XIRP2: variants seen among roughly 807,000 people sequenced by gnomAD.
XIRP2 encodes xin actin binding repeat containing 2.
In XIRP2, 236 loss-of-function variants were observed where a neutral mutation model predicts 277.0. That is an observed-to-expected ratio of 0.85 (90% CI 0.77 to 0.95). XIRP2 has a LOEUF of 0.95. Ranked by LOEUF, XIRP2 falls within the 40% of genes least tolerant of loss-of-function variation. XIRP2 has a pLI of 0.00. For missense variants in XIRP2, 4,640 were observed against 4,157.5 expected (o/e 1.12, Z -3.19); for synonymous variants, 1,490 against 1,416.5 (o/e 1.05, Z -1.17).
chr2:167,237,147 GT>G (rs1694923623), intron 5 of XIRP2, among the ~76,000 whole-genome samples: 1 of 152,076 alleles, frequency 6.6e-6, no homozygotes, highest in Non-Finnish European at 1.5e-5. Flanking sequence ...CAAAATTTAT[GT>G]ACATTTGTAC....
intron 2 of XIRP2, among the ~76,000 whole-genome samples, chr2:167,090,083 C>A (rs1310572403): frequency 6.6e-6 from 1 of 152,006 alleles, no homozygotes; most frequent in African/African-American, 2.4e-5. Context: ...AAAATTATTT[C>A]TTATTGCTGT....
intron 2 of XIRP2, among the ~76,000 whole-genome samples, chr2:167,027,822 C>T (rs1688216342): frequency 6.6e-6 from 1 of 152,020 alleles, no homozygotes; most frequent in African/African-American, 2.4e-5. Context: ...ATAATTACTA[C>T]TAAATAGGGA....
At chr2:167,090,649 C>G (rs998189063) in intron 2 of XIRP2, among the ~76,000 whole-genome samples, 3 of 152,060 alleles carry the variant, frequency 2.0e-5, no homozygotes, top group African/African-American at 7.3e-5. Context: ...GAGCATGGCT[C>G]TGGGCTTTGG....
chr2:166,948,910 AAACTAGTTATTT>A (rs1425643255), intron 2 of XIRP2, among the ~76,000 whole-genome samples: 1 of 152,052 alleles, frequency 6.6e-6, no homozygotes, highest in African/African-American at 2.4e-5. Context: ...ATTATATATA[AAACTAGTTATTT>A]TCCTACTAGA....
Position 167,142,143 on chromosome 2 carries a change from C to T in XIRP2, c.562+6081C>T, listed in dbSNP as rs138088005. On this transcript the variant is annotated intron_variant, in intron 3 of 10. Transcript: ENST00000409195. ...TCTGATATTGTTCTATTCTGTTCTA[C>T]AGGGAATAGGCCAAGAAAGGAGAGC... Among the ~76,000 whole-genome samples, 989 of 152,250 alleles carry T rather than the reference C, an allele frequency of 6.5e-3. 4 individuals are homozygous for T. Among genetic ancestry groups the T allele is most frequent in the Non-Finnish European group, 0.01 (713 of 68,022 alleles).
chr2:167,118,240 G>C (rs897440811), intron 2 of XIRP2, among the ~76,000 whole-genome samples: 12 of 152,032 alleles, frequency 7.9e-5, no homozygotes, highest in African/African-American at 2.9e-4. Flanking sequence ...TGCACTTTGC[G>C]AGGCCGTGAT....
intron 2 of XIRP2, among the ~76,000 whole-genome samples, chr2:167,119,675 A>G (rs367915672): frequency 6.6e-6 from 1 of 152,228 alleles, no homozygotes; most frequent in African/African-American, 2.4e-5. Flanking sequence ...TAGATTATGC[A>G]TGATGCCCAC....
rs774894157 is a variant in XIRP2 at position 167,244,995 on chromosome 2, G to T, written c.3603G>T (p.Arg1201Ser). The T allele has an allele frequency of 6.2e-7, 1 of 1,613,354 alleles. No individual in the cohort carries two copies. The highest frequency in any genetic ancestry group is 1.7e-5 in the Admixed American group (1 of 59,908). ...DIQAGDVSSM[R>S]YKFENQSLDS... The stretch of plus-strand genomic sequence containing the variant: ...AAGCTGGAGATGTTTCCAGCATGAG[G>T]TATAAATTTGAAAATCAGTCCTTAG... Residue 1201 changes from arginine (R) to serine (S), a missense_variant, in exon 9 of 11, where the codon AGG becomes AGT. Transcript: ENST00000409195.
chr2:167,136,183 A>G (rs1691546103), intron 3 of XIRP2, 121 bp downstream of exon 3: 2 of 978,118 alleles, frequency 2.0e-6, no homozygotes, highest in South Asian at 3.2e-5. Flanking sequence ...GACTGCATAT[A>G]GTTTAGGAAA....
intron 2 of XIRP2, among the ~76,000 whole-genome samples, chr2:167,036,425 G>A (rs1418440610): frequency 6.6e-6 from 1 of 152,156 alleles, no homozygotes; most frequent in Non-Finnish European, 1.5e-5. Context: ...TTTAAAATTT[G>A]ACTGCCTCAC....
intron 2 of XIRP2, among the ~76,000 whole-genome samples, chr2:167,062,261 C>A (rs527741663): frequency 3.9e-4 from 60 of 152,130 alleles, no homozygotes; most frequent in Non-Finnish European, 1.5e-5. Flanking sequence ...GGGAAACTGG[C>A]AAATGTTGCA....
intron 2 of XIRP2, among the ~76,000 whole-genome samples, chr2:167,010,064 G>C (rs1255884736): frequency 1.3e-5 from 2 of 151,914 alleles, no homozygotes; most frequent in Admixed American, 6.6e-5. Flanking sequence ...AAGCTCTTTA[G>C]TTTAATTAGA....
intron 3 of XIRP2, among the ~76,000 whole-genome samples, chr2:167,205,821 CT>C (rs1380248082): frequency 6.6e-6 from 1 of 152,062 alleles, no homozygotes; most frequent in Non-Finnish European, 1.5e-5. Context: ...ATGACTAATA[CT>C]TTTAGTTATA....
intron 6 of XIRP2, 23 bp downstream of exon 6, chr2:167,239,988 C>A: frequency 6.4e-7 from 1 of 1,568,000 alleles, no homozygotes; most frequent in Non-Finnish European, 8.6e-7. Flanking sequence ...AAAGGCAGTA[C>A]TTTCAAACAG....
chr2:167,075,201 G>T (rs72884642), intron 2 of XIRP2, among the ~76,000 whole-genome samples: 5,651 of 151,914 alleles, frequency 0.037, 139 homozygotes, highest in Non-Finnish European at 0.06. Context: ...GTTTTGTTTT[G>T]TTTTTTCAAA....
intron 2 of XIRP2, among the ~76,000 whole-genome samples, chr2:166,987,107 C>T (rs543910212): frequency 6.6e-6 from 1 of 152,126 alleles, no homozygotes; most frequent in African/African-American, 2.4e-5. Context: ...TTGCTTTCCT[C>T]TTAACATCTA....
At chr2:167,163,068 T>C (rs1198351021) in intron 3 of XIRP2, among the ~76,000 whole-genome samples, 1 of 152,200 alleles carries the variant, frequency 6.6e-6, no homozygotes, top group African/African-American at 2.4e-5. Flanking sequence ...ATTGATACAT[T>C]CATTATCTTC....
chr2:167,140,332 T>A (rs190491205), intron 3 of XIRP2, among the ~76,000 whole-genome samples: 3 of 152,302 alleles, frequency 2.0e-5, no homozygotes, highest in Non-Finnish European at 2.9e-5. Flanking sequence ...AAGCAAACCT[T>A]TGTCTAAATA....
At chr2:167,115,949 T>C (rs966333004) in intron 2 of XIRP2, among the ~76,000 whole-genome samples, 4 of 152,254 alleles carry the variant, frequency 2.6e-5, no homozygotes, top group Non-Finnish European at 5.9e-5. Context: ...TTTCATGTTA[T>C]CTTCCTGTTT....
Sources: gnomAD v4.1 joint callset for allele counts (sites outside exome capture counted in the v4.1 genomes callset) on GRCh38, gnomAD v4.1.1 for gene constraint, MANE v1.5 for transcripts, NCBI Gene and HGNC (gene_info 2026-07-23, HGNC 2026-07-21) for gene names.